The following CEP350 variants were observed in gnomAD, a reference collection of about 807,000 sequenced individuals.
CEP350 encodes the protein centrosome-associated protein 350.
CEP350 carries 126 observed loss-of-function variants against 331.8 expected under a neutral mutation model. The observed-to-expected ratio is 0.38, with a 90% CI of 0.33 to 0.44. CEP350 has a LOEUF of 0.44. Among genes scored for constraint, CEP350 ranks in the 20% least tolerant of loss-of-function variants. CEP350 has a pLI of 1.00. For synonymous variants in CEP350, 1,200 were observed against 1,259.5 expected, an observed-to-expected ratio of 0.95 and a Z score of 1.00; for missense variants, 3,406 against 3,634.6, an observed-to-expected ratio of 0.94 and a Z score of 1.62.
intron 14 of CEP350, among the ~76,000 whole-genome samples, chr1:180,026,961 G>A (rs549818296): frequency 1.3e-5 from 2 of 152,234 alleles, no homozygotes; most frequent in African/African-American, 4.8e-5. Context: ...TTGAATCCCT[G>A]CTTTACCCAG....
At chr1:179,980,920 A>G (rs143451956) in intron 1 of CEP350, among the ~76,000 whole-genome samples, 38 of 152,312 alleles carry the variant, frequency 2.5e-4, no homozygotes, top group African/African-American at 8.9e-4. Context: ...TCTATTTTCT[A>G]TATACAATAT....
Position 179,987,295 on chromosome 1 carries a change from T to G in CEP350, c.120+9T>G, listed in dbSNP as rs746349760. On this transcript the variant is annotated intron_variant, in intron 3 of 37. Coordinates refer to ENST00000367607, the MANE Select transcript of CEP350 (RefSeq NM_014810.5). ...CTCAAACCAAGGCTGCTGTAAGTAGTTTTAGCTTCCATTTATTTATTTCTG... is the reference window on the plus strand; with the variant it reads ...CTCAAACCAAGGCTGCTGTAAGTAGGTTTAGCTTCCATTTATTTATTTCTG... The G allele has an allele frequency of 1.3e-5, 20 of 1,489,506 alleles. No homozygotes were observed. Among genetic ancestry groups the G allele is most frequent in the Non-Finnish European group, 1.8e-5 (19 of 1,075,764 alleles). 92.3% of individuals were successfully genotyped at this position (1,489,506 alleles called of 1,614,324 possible). A position where few individuals can be genotyped will look rare whatever the true frequency, so the allele number is the denominator to read the frequency against.
intron 1 of CEP350, among the ~76,000 whole-genome samples, chr1:179,959,609 CTG>C (rs1341355354): frequency 2.0e-5 from 3 of 151,946 alleles, no homozygotes; most frequent in Admixed American, 2.0e-4. Flanking sequence ...AAAAAACTAG[CTG>C]GGCATGGTGG....
chr1:180,049,948 A>G (rs1447627467), intron 22 of CEP350, among the ~76,000 whole-genome samples: 1 of 152,204 alleles, frequency 6.6e-6, no homozygotes, highest in Non-Finnish European at 1.5e-5. Context: ...AGAGACTGGA[A>G]ACAAATGAAT....
chr1:180,095,669 C>A lies in CEP350; in HGVS notation c.8658C>A (p.Ile2886=), dbSNP rs1338909953. ...EDFGLSSSHK[I]QKNKAEETIV... ...TTGGTTTGAGCTCTTCTCACAAGAT[C>A]CAAAAAAATAAGGCAGAAGAAACCA... Residue 2886 remains isoleucine, a synonymous_variant, in exon 35 of 38, where the codon ATC becomes ATA. Coordinates refer to ENST00000367607, the MANE Select transcript of CEP350 (RefSeq NM_014810.5). The A allele has an allele frequency of 6.2e-7, 1 of 1,613,568 alleles. No individual in the cohort carries two copies. Among genetic ancestry groups the A allele is most frequent in the Non-Finnish European group, 8.5e-7 (1 of 1,179,834 alleles).
intron 25 of CEP350, among the ~76,000 whole-genome samples, chr1:180,055,914 A>T (rs1008661391): frequency 7.9e-5 from 12 of 152,010 alleles, no homozygotes; most frequent in Admixed American, 2.0e-4. Flanking sequence ...ATAAATTAAA[A>T]TTTTTTCTTA....
chr1:180,074,814 A>G (rs371780912), intron 27 of CEP350, among the ~76,000 whole-genome samples: 1 of 152,210 alleles, frequency 6.6e-6, no homozygotes, highest in African/African-American at 2.4e-5. Context: ...TTTACAAACC[A>G]TTATGAGTAA....
chr1:180,106,231 G>C (rs1661132442), intron 37 of CEP350, among the ~76,000 whole-genome samples: 1 of 152,178 alleles, frequency 6.6e-6, no homozygotes. Flanking sequence ...GCTAATGATT[G>C]AGTCTCCTTT....
intron 31 of CEP350, among the ~76,000 whole-genome samples, chr1:180,084,679 A>C (rs1195108562): frequency 6.6e-6 from 1 of 152,106 alleles, no homozygotes; most frequent in Non-Finnish European, 1.5e-5. Flanking sequence ...ATTAAATTTT[A>C]AATTTAAATA....
chr1:180,093,437 T>C lies in CEP350; in HGVS notation c.7332T>C (p.Leu2444=). ...GTGAGTGCCTAAGTGAGAAAAGCCT[T>C]TCTATCCATAGCAATGTTCATTCTG... ...EISECLSEKS[L]SIHSNVHSDR... The change falls in exon 34 of 38, where the codon CTT becomes CTC. Residue 2444 remains leucine (L), a synonymous_variant. Coordinates refer to ENST00000367607, the MANE Select transcript of CEP350 (RefSeq NM_014810.5). 1 of 1,601,952 alleles carries C rather than the reference T, an allele frequency of 6.2e-7. No individual in the cohort carries two copies. Among genetic ancestry groups the C allele is most frequent in the Non-Finnish European group, 8.5e-7 (1 of 1,173,780 alleles).
At chr1:180,077,820 C>A (rs987398751) in intron 28 of CEP350, among the ~76,000 whole-genome samples, 1 of 151,768 alleles carries the variant, frequency 6.6e-6, no homozygotes, top group African/African-American at 2.4e-5. Flanking sequence ...TCATAGGAAA[C>A]CTTTGTCAAG....
chr1:179,996,984 G>T lies in CEP350; in HGVS notation c.827G>T (p.Arg276Leu). Residue 276 changes from arginine (R) to leucine (L), a missense_variant, in exon 6 of 38, where the codon CGA becomes CTA. By Grantham distance (102) the Arg-to-Leu change is moderately radical. Transcript: ENST00000367607. Reference protein sequence around the residue: ...NSQRLDILKRRQHDVKLEKLK... With the variant: ...NSQRLDILKRLQHDVKLEKLK... ...CAAAGATTAGATATTCTAAAGCGGC[G>T]ACAACATGATGTCAAACTGGAAAAA... The T allele has an allele frequency of 6.2e-7, 1 of 1,613,912 alleles. No individual in the cohort carries two copies. The highest frequency in any genetic ancestry group is 1.1e-5 in the South Asian group (1 of 91,056).
intron 36 of CEP350, among the ~76,000 whole-genome samples, chr1:180,098,607 G>A (rs1660624930): frequency 6.6e-6 from 1 of 152,192 alleles, no homozygotes; most frequent in Non-Finnish European, 1.5e-5. Context: ...GCTTCAGAGA[G>A]TGCTGGGATT....
rs143806800 is a variant in CEP350, at chr1:179,976,598, G to A, written c.-13-9571G>A. Among the ~76,000 whole-genome samples, 667 of 150,716 alleles carry A rather than the reference G, an allele frequency of 4.4e-3. 4 individuals are homozygous for A. The highest frequency in any genetic ancestry group is 0.015 in the African/African-American group (631 of 40,998). On this transcript the variant is annotated intron_variant, in intron 1 of 37. Coordinates refer to ENST00000367607, the MANE Select transcript of CEP350 (RefSeq NM_014810.5). ...GAACCTGGGAGGTGGAGCTTGCAGT[G>A]AGCCGAGATCGCGCCACTGCACTAC... is the stretch of plus-strand genomic sequence containing the variant.
rs367610557 is a variant in CEP350, at chr1:180,092,914, A to G, written c.6809A>G (p.Lys2270Arg). The change falls in exon 34 of 38, where the codon AAG becomes AGG. Residue 2270 changes from lysine to arginine, a missense_variant. Around this residue, in one of 5 missense-constraint regions of CEP350, gnomAD observed 1,415 missense variants for 1,512.3 expected, o/e 0.94. Coordinates refer to ENST00000367607, the MANE Select transcript of CEP350 (RefSeq NM_014810.5). ...EIEYTKLKKS[K>R]IEDAFSKEGK... Reference sequence around the variant, plus strand: ...GAGTATACAAAATTGAAGAAGAGTAAGATTGAAGATGCCTTTTCTAAAGAA... The same window carrying G: ...GAGTATACAAAATTGAAGAAGAGTAGGATTGAAGATGCCTTTTCTAAAGAA... 26 of 1,577,472 alleles carry G rather than the reference A, an allele frequency of 1.6e-5. No homozygotes were observed. Among genetic ancestry groups the G allele is most frequent in the Non-Finnish European group, 2.2e-5 (25 of 1,159,800 alleles).
intron 3 of CEP350, among the ~76,000 whole-genome samples, chr1:179,987,660 C>T (rs2148671307): frequency 6.6e-6 from 1 of 151,938 alleles, no homozygotes; most frequent in East Asian, 1.9e-4. Context: ...GTTGCGGTGG[C>T]TTACTCCTGT....
chr1:180,056,864 A>G (rs887820155), intron 25 of CEP350, among the ~76,000 whole-genome samples: 3 of 151,698 alleles, frequency 2.0e-5, no homozygotes, highest in Admixed American at 2.0e-4. Flanking sequence ...TCTTGTTTGT[A>G]TTTCATTCCT....
chr1:180,037,941 G>T (rs945888161), intron 17 of CEP350, among the ~76,000 whole-genome samples: 3 of 152,106 alleles, frequency 2.0e-5, no homozygotes, highest in African/African-American at 7.2e-5. Flanking sequence ...GAGCCACCGC[G>T]CCTGGCCCAG....
chr1:180,028,375 C>T (rs996218081), intron 14 of CEP350, among the ~76,000 whole-genome samples: 4 of 152,148 alleles, frequency 2.6e-5, no homozygotes, highest in Admixed American at 6.5e-5. Context: ...CAATTGTTAG[C>T]GTTTGCTAAG....
Sources: gnomAD v4.1 joint callset for allele counts (sites outside exome capture counted in the v4.1 genomes callset) on GRCh38, gnomAD v4.1.1 for gene constraint, gnomAD v4.1.1 regional missense constraint, MANE v1.5 for transcripts, NCBI Gene and HGNC (gene_info 2026-07-23, HGNC 2026-07-21) for gene names.